The following SYT14 variants were observed in gnomAD, a reference collection of about 807,000 sequenced individuals.
SYT14 encodes synaptotagmin 14.
In SYT14, 32 loss-of-function variants were observed where a neutral mutation model predicts 74.2. The ratio of observed to expected loss-of-function variants is 0.43; its 90% confidence interval spans 0.33 to 0.58. The LOEUF is 0.58. Ranked by LOEUF, SYT14 falls within the 20% of genes least tolerant of loss-of-function variation. The probability of loss-of-function intolerance (pLI) is 0.05; values close to 1 mark genes in which losing one functional copy is unlikely to be tolerated. For synonymous variants in SYT14, 298 were observed against 337.7 expected, an observed-to-expected ratio of 0.88 and a Z score of 1.29; for missense variants, 791 against 981.8, an observed-to-expected ratio of 0.81 and a Z score of 2.60.
chr1:209,997,157 A>T (rs1359286008), intron 2 of SYT14, among the ~76,000 whole-genome samples: 1 of 102,864 alleles, frequency 9.7e-6, no homozygotes, highest in Non-Finnish European at 1.8e-5. Context: ...AGATAGGGAA[A>T]AAAAGAAAAA....
intron 2 of SYT14, among the ~76,000 whole-genome samples, chr1:209,960,600 G>C (rs1043842351): frequency 6.6e-6 from 1 of 152,012 alleles, no homozygotes; most frequent in Non-Finnish European, 1.5e-5. Flanking sequence ...TTGTCTTGAA[G>C]CTAGGTTGGC....
intron 7 of SYT14, among the ~76,000 whole-genome samples, chr1:210,131,338 A>G (rs2082668990): frequency 2.0e-5 from 3 of 152,060 alleles, no homozygotes; most frequent in Non-Finnish European, 4.4e-5. Context: ...TGCATGAGTA[A>G]TTTTAAAAAA....
intron 6 of SYT14, among the ~76,000 whole-genome samples, chr1:210,095,461 C>T (rs1385160660): frequency 6.6e-6 from 1 of 152,110 alleles, no homozygotes; most frequent in Non-Finnish European, 1.5e-5. Flanking sequence ...ACTATGTTGC[C>T]CAGGCTGGTC....
At chr1:210,100,490 C>A in intron 7 of SYT14, 29 bp downstream of exon 6, 1 of 1,593,280 alleles carries the variant, frequency 6.3e-7, no homozygotes, top group Non-Finnish European at 8.6e-7. Flanking sequence ...GGCCTGAATA[C>A]AGTTTATGTT....
At chr1:210,047,454 A>G (rs1287059932) in intron 5 of SYT14, among the ~76,000 whole-genome samples, 1 of 152,010 alleles carries the variant, frequency 6.6e-6, no homozygotes, top group Non-Finnish European at 1.5e-5. Context: ...CTGGAGTGCA[A>G]TGGCGCAATC....
At chr1:209,969,816 G>C (rs2079217511) in intron 2 of SYT14, among the ~76,000 whole-genome samples, 1 of 152,122 alleles carries the variant, frequency 6.6e-6, no homozygotes, top group Admixed American at 6.5e-5. Context: ...CTGATGATTA[G>C]TGATATTGAC....
chr1:209,969,211 G>A (rs766883319), intron 2 of SYT14, among the ~76,000 whole-genome samples: 25 of 151,992 alleles, frequency 1.6e-4, no homozygotes, highest in African/African-American at 6.0e-4. Flanking sequence ...GAACATATGT[G>A]TGCATATGCC....
intron 2 of SYT14, among the ~76,000 whole-genome samples, chr1:210,000,501 AT>A (rs1388824792): frequency 9.0e-6 from 1 of 111,088 alleles, no homozygotes; most frequent in East Asian, 3.7e-4. Context: ...CACACACACA[AT>A]CTAAGAAAAT....
At chr1:209,980,991 G>C (rs924381085) in intron 2 of SYT14, among the ~76,000 whole-genome samples, 1 of 152,142 alleles carries the variant, frequency 6.6e-6, no homozygotes, top group Non-Finnish European at 1.5e-5. Context: ...AACAATGTCA[G>C]TGTTAGTTTA....
chr1:210,026,025 AAGT>A (rs956639118), intron 5 of SYT14, among the ~76,000 whole-genome samples: 1 of 152,118 alleles, frequency 6.6e-6, no homozygotes, highest in African/African-American at 2.4e-5. Flanking sequence ...ATTCTAGAAA[AAGT>A]AGGAAAATGT....
intron 7 of SYT14, among the ~76,000 whole-genome samples, chr1:210,110,828 T>G (rs2082248343): frequency 6.6e-6 from 1 of 152,188 alleles, no homozygotes; most frequent in South Asian, 2.1e-4. Flanking sequence ...TACCACAACC[T>G]CTGCCTCCTG....
intron 7 of SYT14, among the ~76,000 whole-genome samples, chr1:210,135,272 G>T (rs1249285560): frequency 1.3e-5 from 2 of 151,898 alleles, no homozygotes; most frequent in African/African-American, 4.8e-5. Context: ...ATGAGCCACC[G>T]CACCTGGCTT....
intron 5 of SYT14, among the ~76,000 whole-genome samples, chr1:210,067,239 A>AC (rs1201795629): frequency 6.6e-6 from 1 of 151,930 alleles, no homozygotes; most frequent in Non-Finnish European, 1.5e-5. Context: ...GAGTCTTCCT[A>AC]CTGTATTCTT....
At chr1:210,082,681 T>G (rs2081638876) in intron 5 of SYT14, among the ~76,000 whole-genome samples, 1 of 152,220 alleles carries the variant, frequency 6.6e-6, no homozygotes, top group African/African-American at 2.4e-5. Context: ...AGCTAGGAGA[T>G]CACATGTCAT....
chr1:209,979,310 CTA>C (rs2079435613), intron 2 of SYT14, among the ~76,000 whole-genome samples: 1 of 152,146 alleles, frequency 6.6e-6, no homozygotes, highest in South Asian at 2.1e-4. Context: ...ACTGGGAGCT[CTA>C]GACTGGAGCT....
At chr1:210,018,418 C>G (rs748264422) in intron 4 of SYT14, among the ~76,000 whole-genome samples, 1 of 152,150 alleles carries the variant, frequency 6.6e-6, no homozygotes, top group Non-Finnish European at 1.5e-5. Context: ...CAGGTGTGAG[C>G]CACTGTGCCT....
At chr1:210,139,624 G>A (rs538590488) in intron 7 of SYT14, among the ~76,000 whole-genome samples, 31 of 152,152 alleles carry the variant, frequency 2.0e-4, no homozygotes, top group African/African-American at 4.3e-4. Context: ...TCCCCGCCAC[G>A]AAAACTCTGT....
At chr1:209,945,790 A>T (rs1016479) in intron 1 of SYT14, among the ~76,000 whole-genome samples, 4 of 152,212 alleles carry the variant, frequency 2.6e-5, no homozygotes, top group Admixed American at 6.5e-5. Flanking sequence ...CTAAATTTTG[A>T]GGTTTAATTC....
intron 7 of SYT14, among the ~76,000 whole-genome samples, chr1:210,152,212 C>A (rs1238241273): frequency 6.6e-6 from 1 of 152,058 alleles, no homozygotes; most frequent in Non-Finnish European, 1.5e-5. Context: ...ATGTGTATTC[C>A]TTTTGGCTTC....
Sources: allele counts gnomAD v4.1 joint callset (sites outside exome capture counted in the v4.1 genomes callset), GRCh38; gene constraint gnomAD v4.1.1; transcripts MANE v1.5; gene names NCBI Gene and HGNC (gene_info 2026-07-23, HGNC 2026-07-21).